Variants in AUTS2 observed in about 807,000 individuals in gnomAD.
AUTS2 encodes the protein autism susceptibility gene 2 protein.
A neutral mutation model predicts 112.4 loss-of-function variants in AUTS2; 17 were observed. The observed-to-expected ratio is 0.15, with a 90% confidence interval of 0.10 to 0.23. The LOEUF (loss-of-function observed/expected upper bound fraction) is 0.23, where lower values mean the gene tolerates loss of function less well. AUTS2 is among the 10% of genes least tolerant of loss of function. The pLI is 1.00. For missense variants in AUTS2, 1,510 were observed against 1,701.6 expected (o/e 0.89, Z 1.98); for synonymous variants, 751 against 702.7 (o/e 1.07, Z -1.09).
chr7:69,971,304 T>C (rs1797840171), intron 2 of AUTS2, among the ~76,000 whole-genome samples: 1 of 152,206 alleles, frequency 6.6e-6, no homozygotes, highest in Admixed American at 6.5e-5. Flanking sequence ...GGGCAATATA[T>C]TGAAACTCAA....
chr7:70,720,715 A>G, intron 6 of AUTS2, among the ~76,000 whole-genome samples: 1 of 152,176 alleles, frequency 6.6e-6, no homozygotes, highest in East Asian at 1.9e-4. Context: ...ACAGGACTTT[A>G]GTAGCTGAGG....
chr7:70,162,794 C>T (rs1177404074), intron 4 of AUTS2, among the ~76,000 whole-genome samples: 1 of 152,136 alleles, frequency 6.6e-6, no homozygotes, highest in African/African-American at 2.4e-5. Flanking sequence ...AAATCTTACC[C>T]TTTTCACAGA....
chr7:69,936,715 A>C (rs1045024275), intron 2 of AUTS2, among the ~76,000 whole-genome samples: 17 of 152,176 alleles, frequency 1.1e-4, no homozygotes, highest in Non-Finnish European at 2.2e-4. Flanking sequence ...TGGGACACTT[A>C]AATATGATTA....
chr7:70,098,441 A>C (rs1439771752), intron 2 of AUTS2, among the ~76,000 whole-genome samples: 1 of 152,154 alleles, frequency 6.6e-6, no homozygotes, highest in Non-Finnish European at 1.5e-5. Flanking sequence ...GGGAGAGTGG[A>C]TATGCTTAGA....
At chr7:70,594,460 G>A (rs1803097974) in intron 5 of AUTS2, among the ~76,000 whole-genome samples, 2 of 152,184 alleles carry the variant, frequency 1.3e-5, no homozygotes, top group Admixed American at 1.3e-4. Flanking sequence ...GCATTGGTGA[G>A]CTGGCTCAAC....
At chr7:70,361,642 A>G (rs1049659325) in intron 4 of AUTS2, among the ~76,000 whole-genome samples, 5 of 152,152 alleles carry the variant, frequency 3.3e-5, no homozygotes, top group African/African-American at 9.7e-5. Context: ...GCTAAATTAT[A>G]CAGTCCAAGG....
intron 4 of AUTS2, among the ~76,000 whole-genome samples, chr7:70,260,425 T>G (rs1055142869): frequency 1.3e-5 from 2 of 151,640 alleles, no homozygotes; most frequent in Admixed American, 6.6e-5. Flanking sequence ...TCTGCAGTTA[T>G]GGAGGCTGAA....
intron 1 of AUTS2, among the ~76,000 whole-genome samples, chr7:69,629,719 A>C (rs988760409): frequency 1.1e-4 from 17 of 152,274 alleles, no homozygotes; most frequent in African/African-American, 4.1e-4. Context: ...CCTGTGAGCC[A>C]CATGAGGGCA....
intron 1 of AUTS2, among the ~76,000 whole-genome samples, chr7:69,731,850 T>C (rs1786808723): frequency 6.6e-6 from 1 of 152,218 alleles, no homozygotes; most frequent in South Asian, 2.1e-4. Context: ...TTCCTATTTA[T>C]TATGTGCGTA....
At chr7:69,812,675 T>C (rs1023157716) in intron 1 of AUTS2, among the ~76,000 whole-genome samples, 1 of 152,234 alleles carries the variant, frequency 6.6e-6, no homozygotes, top group Non-Finnish European at 1.5e-5. Context: ...CTATCTGGTT[T>C]TTTTTTCTTT....
intron 17 of AUTS2, chr7:70,786,947 G>A (rs982061562): frequency 1.8e-6 from 1 of 552,274 alleles, no homozygotes; most frequent in Non-Finnish European, 3.2e-6. Context: ...GTACCCATTT[G>A]GTCCCTTTTC....
At chr7:70,300,733 T>G (rs925989727) in intron 4 of AUTS2, among the ~76,000 whole-genome samples, 2 of 152,240 alleles carry the variant, frequency 1.3e-5, no homozygotes, top group African/African-American at 4.8e-5. Flanking sequence ...ATTTTTTACC[T>G]ATTCATTACT....
intron 1 of AUTS2, among the ~76,000 whole-genome samples, chr7:69,622,589 T>A (rs915750404): frequency 1.3e-5 from 2 of 152,220 alleles, no homozygotes; most frequent in East Asian, 3.9e-4. Context: ...TAGACTGTGC[T>A]GTGGAAAAAC....
intron 2 of AUTS2, among the ~76,000 whole-genome samples, chr7:70,012,611 C>T (rs1293502516): frequency 6.6e-6 from 1 of 152,006 alleles, no homozygotes; most frequent in Non-Finnish European, 1.5e-5. Context: ...TCCATTTCTC[C>T]CTTGATCTTT....
chr7:70,695,234 G>A (rs1401172476), intron 5 of AUTS2, among the ~76,000 whole-genome samples: 1 of 152,098 alleles, frequency 6.6e-6, no homozygotes, highest in Non-Finnish European at 1.5e-5. Context: ...CCCCCTCTGC[G>A]GCCCTGTCGC....
chr7:69,798,215 A>G (rs1418874928), intron 1 of AUTS2, among the ~76,000 whole-genome samples: 3 of 152,056 alleles, frequency 2.0e-5, no homozygotes, highest in Admixed American at 6.6e-5. Context: ...GTGCTTTATA[A>G]ACTGTAGTGT....
At chr7:70,297,006 T>C (rs1452320086) in intron 4 of AUTS2, among the ~76,000 whole-genome samples, 1 of 129,206 alleles carries the variant, frequency 7.7e-6, no homozygotes, top group Non-Finnish European at 1.6e-5. Flanking sequence ...AATGCCTGAC[T>C]TTTTTTTTTT....
chr7:70,621,838 C>CTCT (rs1186875967), intron 5 of AUTS2, among the ~76,000 whole-genome samples: 3 of 66,788 alleles, frequency 4.5e-5, no homozygotes, highest in South Asian at 1.6e-3. Context: ...TAGTCATTCT[C>CTCT]TTTTTTTTTT....
chr7:70,749,596 A>G lies in AUTS2; in HGVS notation c.743-13274A>G, dbSNP rs184132714. Among the ~76,000 whole-genome samples, 9 of 152,340 alleles carry G rather than the reference A, an allele frequency of 5.9e-5. No individual in the cohort carries two copies. In the East Asian group the frequency reaches 1.7e-3, roughly 29 times the overall value. Reference sequence around the variant, plus strand: ...AATTAAGGGCTGTGTGATAGCCAGAAAGCTACTTTCATGGATTCATTTTAG... The same window carrying G: ...AATTAAGGGCTGTGTGATAGCCAGAGAGCTACTTTCATGGATTCATTTTAG... On this transcript the variant is annotated intron_variant, in intron 6 of 18. Coordinates refer to ENST00000342771, the MANE Select transcript of AUTS2 (RefSeq NM_015570.4).
Sources: gnomAD v4.1 joint callset for allele counts (sites outside exome capture counted in the v4.1 genomes callset) on GRCh38, gnomAD v4.1.1 for gene constraint, MANE v1.5 for transcripts, NCBI Gene and HGNC (gene_info 2026-07-23, HGNC 2026-07-21) for gene names.